The following CNTNAP5 variants were observed in gnomAD, a reference collection of about 807,000 sequenced individuals.
CNTNAP5 encodes contactin associated protein family member 5.
Under a neutral mutation model 150.2 loss-of-function variants are expected in CNTNAP5, and 72 were observed. That is an observed-to-expected ratio of 0.48 (90% CI 0.40 to 0.58). The LOEUF is 0.58. CNTNAP5 is among the 20% of genes least tolerant of loss of function. CNTNAP5 has a pLI of 0.00. For missense variants in CNTNAP5, 1,636 were observed against 1,626.2 expected (o/e 1.01, Z -0.10); for synonymous variants, 672 against 619.8 (o/e 1.08, Z -1.25).
chr2:124,791,590 G>C (rs1372062923), intron 18 of CNTNAP5, among the ~76,000 whole-genome samples: 1 of 151,478 alleles, frequency 6.6e-6, no homozygotes, highest in African/African-American at 2.4e-5. Context: ...CTCTAACCAA[G>C]TCTTTTGTTT....
intron 16 of CNTNAP5, among the ~76,000 whole-genome samples, chr2:124,771,960 C>T (rs887878301): frequency 1.4e-4 from 21 of 151,912 alleles, no homozygotes; most frequent in African/African-American, 4.8e-4. Flanking sequence ...TTATCACCAC[C>T]ATTGCCACGA....
At chr2:124,416,097 G>A (rs956018074) in intron 3 of CNTNAP5, among the ~76,000 whole-genome samples, 2 of 152,002 alleles carry the variant, frequency 1.3e-5, no homozygotes, top group Admixed American at 6.6e-5. Flanking sequence ...TTACATTTCA[G>A]GGAGGGGATT....
At chr2:124,149,732 T>C (rs1329378177) in intron 1 of CNTNAP5, among the ~76,000 whole-genome samples, 1 of 152,210 alleles carries the variant, frequency 6.6e-6, no homozygotes, top group African/African-American at 2.4e-5. Context: ...CTTCCTCTCC[T>C]ATGGCCCTGA....
At chr2:124,732,414 T>A (rs1230533092) in intron 13 of CNTNAP5, among the ~76,000 whole-genome samples, 2 of 152,112 alleles carry the variant, frequency 1.3e-5, no homozygotes, top group Non-Finnish European at 2.9e-5. Context: ...AGGTGGAGCC[T>A]TTGGTGAGGG....
chr2:124,789,330 C>A (rs548064475), intron 17 of CNTNAP5, among the ~76,000 whole-genome samples: 5 of 152,212 alleles, frequency 3.3e-5, no homozygotes, highest in Admixed American at 3.3e-4. Context: ...CAATCTTTCA[C>A]TTTTTTTGTA....
intron 11 of CNTNAP5, among the ~76,000 whole-genome samples, chr2:124,600,196 T>TA (rs1462828608): frequency 1.3e-5 from 2 of 151,852 alleles, no homozygotes; most frequent in Non-Finnish European, 2.9e-5. Context: ...ATGGTTTTTT[T>TA]TTTATTTTTA....
intron 13 of CNTNAP5, among the ~76,000 whole-genome samples, chr2:124,661,057 G>C (rs1465829868): frequency 2.9e-5 from 4 of 137,502 alleles, no homozygotes; most frequent in Non-Finnish European, 5.9e-5. Context: ...GAGGCAGAGA[G>C]GGAATGATGT....
intron 19 of CNTNAP5, among the ~76,000 whole-genome samples, chr2:124,849,514 T>G (rs1683113424): frequency 6.6e-6 from 1 of 152,196 alleles, no homozygotes; most frequent in Non-Finnish European, 1.5e-5. Context: ...TTTTGCTATT[T>G]GGGATCTTTT....
chr2:124,619,892 C>G (rs568580614), intron 12 of CNTNAP5, among the ~76,000 whole-genome samples: 7 of 123,956 alleles, frequency 5.6e-5, no homozygotes, highest in Non-Finnish European at 1.1e-4. Flanking sequence ...TATACTCCTT[C>G]TCTCACTGTC....
intron 4 of CNTNAP5, 63 bp downstream of exon 4, chr2:124,417,653 A>G: frequency 6.9e-7 from 1 of 1,444,110 alleles, no homozygotes; most frequent in Non-Finnish European, 9.6e-7. Flanking sequence ...ACGTAACATC[A>G]GTTTATCTAC....
rs76734785 is a variant in CNTNAP5, at chr2:124,275,850, C to T, written c.381+33457C>T. ...ACATGATCTGAATTTCATTAGATGC[C>T]TCCCAAGTGACCCAATGAGAACAAC... On this transcript the variant is annotated intron_variant, in intron 3 of 23. Transcript: ENST00000682447. Among the ~76,000 whole-genome samples the T allele has an allele frequency of 5.5e-3, 832 of 152,202 alleles. 7 individuals are homozygous for T. The highest frequency in any genetic ancestry group is 0.019 in the African/African-American group (795 of 41,530).
In CNTNAP5 at chr2:124,674,550, TCTTC is replaced by T. The variant is rs1181881296; in HGVS notation, c.2077+26596_2077+26599del. Reference sequence around the variant, plus strand: ...TTCTTTCTTTCTTTCTTTCTTTCTTTCTTCCTTTCTTCCTTTCTTTCTTTCTTTT... The same window carrying T: ...TTCTTTCTTTCTTTCTTTCTTTCTTTCTTTCTTCCTTTCTTTCTTTCTTTT... On this transcript the variant is annotated intron_variant, in intron 13 of 23. Coordinates refer to ENST00000682447, the MANE Select transcript of CNTNAP5 (RefSeq NM_001367498.1). Among the ~76,000 whole-genome samples, 111 of 143,790 alleles carry T rather than the reference TCTTC, an allele frequency of 7.7e-4. 1 individual carries two copies. In the East Asian group the frequency reaches 0.01, roughly 13 times the overall value. The allele number at this position is 143,790 out of a possible 152,430, so 94.3% of individuals were successfully genotyped here.
chr2:124,048,905 T>C (rs1681614961), intron 1 of CNTNAP5, among the ~76,000 whole-genome samples: 1 of 152,254 alleles, frequency 6.6e-6, no homozygotes, highest in Non-Finnish European at 1.5e-5. Context: ...CATTTATTTT[T>C]ATGAGTGTTA....
At chr2:124,489,714 C>T (rs944906877) in intron 7 of CNTNAP5, among the ~76,000 whole-genome samples, 3 of 152,126 alleles carry the variant, frequency 2.0e-5, no homozygotes, top group Non-Finnish European at 4.4e-5. Flanking sequence ...TGACCCTCTG[C>T]TTGGCCATTC....
At chr2:124,146,337 G>A (rs376178560) in intron 1 of CNTNAP5, among the ~76,000 whole-genome samples, 4 of 152,134 alleles carry the variant, frequency 2.6e-5, no homozygotes, top group African/African-American at 7.2e-5. Context: ...TTTCCTGAGA[G>A]GGGTAGGACA....
intron 3 of CNTNAP5, among the ~76,000 whole-genome samples, chr2:124,321,500 C>T (rs1689099007): frequency 6.6e-6 from 1 of 151,556 alleles, no homozygotes; most frequent in African/African-American, 2.4e-5. Context: ...ATTTCTTTTG[C>T]CTTGTGTTTT....
At chr2:124,338,158 C>T (rs1472833378) in intron 3 of CNTNAP5, among the ~76,000 whole-genome samples, 1 of 151,906 alleles carries the variant, frequency 6.6e-6, no homozygotes, top group African/African-American at 2.4e-5. Context: ...CATGATTTGG[C>T]TCTCTGTTTG....
intron 7 of CNTNAP5, among the ~76,000 whole-genome samples, chr2:124,497,238 T>C (rs1694171127): frequency 6.6e-6 from 1 of 152,174 alleles, no homozygotes; most frequent in Non-Finnish European, 1.5e-5. Flanking sequence ...TAGGTGTCTT[T>C]GGGTAGTGAA....
chr2:124,306,719 CTTTTTT>C (rs762901729), intron 3 of CNTNAP5, among the ~76,000 whole-genome samples: 3 of 64,336 alleles, frequency 4.7e-5, no homozygotes, highest in Admixed American at 2.1e-4. Flanking sequence ...CTCTCTCTTT[CTTTTTT>C]TTTTTTTTTT....
Sources: gnomAD v4.1 joint callset for allele counts (sites outside exome capture counted in the v4.1 genomes callset) on GRCh38, gnomAD v4.1.1 for gene constraint, MANE v1.5 for transcripts, NCBI Gene and HGNC (gene_info 2026-07-23, HGNC 2026-07-21) for gene names.